Variants in MYRIP observed in about 807,000 individuals in gnomAD.
The protein encoded by MYRIP is myosin VIIA and Rab interacting protein, also known as rab effector MyRIP.
In MYRIP, 49 loss-of-function variants were observed where a neutral mutation model predicts 98.0. The observed-to-expected ratio is 0.50, with a 90% confidence interval of 0.40 to 0.63. The LOEUF is 0.63. Among genes scored for constraint, MYRIP ranks in the 30% least tolerant of loss-of-function variants. The pLI is 0.00. For synonymous variants in MYRIP, 404 were observed against 409.5 expected (o/e 0.99, Z 0.16); for missense variants, 1,004 against 1,058.2 (o/e 0.95, Z 0.71).
intron 3 of MYRIP, among the ~76,000 whole-genome samples, chr3:40,098,939 G>A (rs1334526323): frequency 6.6e-6 from 1 of 151,932 alleles, no homozygotes; most frequent in East Asian, 1.9e-4. Flanking sequence ...GTGTGTGTGT[G>A]TACATTTGAT....
At chr3:39,857,721 G>T (rs1407707948) in intron 1 of MYRIP, among the ~76,000 whole-genome samples, 2 of 152,078 alleles carry the variant, frequency 1.3e-5, no homozygotes, top group African/African-American at 4.8e-5. Context: ...ATGACAAAAG[G>T]TATAAATTGT....
At chr3:40,064,842 G>A (rs891797476) in intron 3 of MYRIP, among the ~76,000 whole-genome samples, 2 of 152,198 alleles carry the variant, frequency 1.3e-5, no homozygotes, top group Non-Finnish European at 2.9e-5. Flanking sequence ...TGTTAAAAGC[G>A]ATGGGAAACC....
At chr3:39,981,823 G>A (rs1376780082) in intron 2 of MYRIP, among the ~76,000 whole-genome samples, 1 of 152,168 alleles carries the variant, frequency 6.6e-6, no homozygotes, top group East Asian at 1.9e-4. Flanking sequence ...GCAGATGTTT[G>A]TGGAGGGCCC....
In MYRIP at chr3:39,917,927, C is replaced by CTT. The variant is rs36057099; in HGVS notation, c.110+17013_110+17014dup. ...CCACTTTGGATTACTGACTTCCATT[C>CTT]TTTTTTTTTTTTTGGAGACGGAGTC... is the stretch of plus-strand genomic sequence containing the variant. On this transcript the variant is annotated intron_variant, in intron 2 of 16. Transcript: ENST00000302541. 2.3e-3 allele frequency among the ~76,000 whole-genome samples: 343 copies of CTT among 146,078 alleles called. 1 individual carries two copies. The highest frequency in any genetic ancestry group is 5.6e-3 in the African/African-American group (224 of 39,948).
chr3:40,086,225 A>G (rs1948623201), intron 3 of MYRIP, among the ~76,000 whole-genome samples: 1 of 152,246 alleles, frequency 6.6e-6, no homozygotes, highest in South Asian at 2.1e-4. Flanking sequence ...TCTTCCCAGC[A>G]GAGCCCCAGT....
At chr3:40,144,160 G>C (rs1949966015) in intron 3 of MYRIP, among the ~76,000 whole-genome samples, 1 of 152,210 alleles carries the variant, frequency 6.6e-6, no homozygotes, top group African/African-American at 2.4e-5. Flanking sequence ...TAATGGTAAA[G>C]TCCAGGGATT....
chr3:39,874,532 T>C (rs1002161218), intron 1 of MYRIP, among the ~76,000 whole-genome samples: 1 of 152,194 alleles, frequency 6.6e-6, no homozygotes, highest in Non-Finnish European at 1.5e-5. Context: ...CCTAATTTAT[T>C]GAGAGTTTTT....
At chr3:40,115,842 G>A (rs115628408) in intron 3 of MYRIP, among the ~76,000 whole-genome samples, 2,380 of 150,328 alleles carry the variant, frequency 0.016, 66 homozygotes, top group African/African-American at 0.052. Context: ...TTTATGTCAC[G>A]ATTTTATTAT....
At chr3:40,139,978 G>GT (rs1318326324) in intron 3 of MYRIP, among the ~76,000 whole-genome samples, 1 of 152,152 alleles carries the variant, frequency 6.6e-6, no homozygotes, top group Non-Finnish European at 1.5e-5. Context: ...AGTTTCCAGT[G>GT]TTTTGGCTGT....
chr3:40,009,524 G>A (rs937485799), intron 2 of MYRIP, among the ~76,000 whole-genome samples: 2 of 152,156 alleles, frequency 1.3e-5, no homozygotes, highest in African/African-American at 4.8e-5. Flanking sequence ...TTACAGGTAT[G>A]AGCCACCACG....
chr3:40,150,443 C>T (rs1296600878), intron 3 of MYRIP, among the ~76,000 whole-genome samples: 1 of 152,216 alleles, frequency 6.6e-6, no homozygotes, highest in Non-Finnish European at 1.5e-5. Flanking sequence ...CAGGAAACTA[C>T]TTTCCCAGAG....
At chr3:40,058,773 G>A (rs1025997972) in intron 3 of MYRIP, among the ~76,000 whole-genome samples, 3 of 151,860 alleles carry the variant, frequency 2.0e-5, no homozygotes, top group East Asian at 1.9e-4. Flanking sequence ...ATGTCTATAC[G>A]GATTCTTTTT....
chr3:40,073,602 T>G (rs1033835257), intron 3 of MYRIP, among the ~76,000 whole-genome samples: 1 of 152,254 alleles, frequency 6.6e-6, no homozygotes, highest in African/African-American at 2.4e-5. Context: ...TCTTTAGCAG[T>G]CAAATCTGTA....
At chr3:40,205,270 T>A (rs1332981021) in intron 10 of MYRIP, among the ~76,000 whole-genome samples, 1 of 152,196 alleles carries the variant, frequency 6.6e-6, no homozygotes, top group Non-Finnish European at 1.5e-5. Flanking sequence ...AGAAACCCTC[T>A]GTCCATGTTC....
chr3:40,069,365 A>G (rs771367825), intron 3 of MYRIP, among the ~76,000 whole-genome samples: 1 of 150,576 alleles, frequency 6.6e-6, no homozygotes, highest in East Asian at 2.0e-4. Context: ...TTCTAATCCA[A>G]CCTACCTCAA....
At chr3:40,245,490 T>C (rs2125714752) in intron 13 of MYRIP, among the ~76,000 whole-genome samples, 1 of 151,336 alleles carries the variant, frequency 6.6e-6, no homozygotes, top group South Asian at 2.1e-4. Flanking sequence ...CTACTAAAAA[T>C]ACAAAAAAAT....
intron 11 of MYRIP, among the ~76,000 whole-genome samples, chr3:40,223,798 C>T (rs147810938): frequency 1.4e-3 from 219 of 152,230 alleles, no homozygotes; most frequent in African/African-American, 5.1e-3. Context: ...TCCCTGAGCT[C>T]GTGGAACTTA....
intron 11 of MYRIP, among the ~76,000 whole-genome samples, chr3:40,220,426 ATGGTAT>A (rs1020827828): frequency 2.6e-5 from 4 of 152,168 alleles, no homozygotes; most frequent in African/African-American, 9.7e-5. Context: ...TATGTCCTGA[ATGGTAT>A]TGCCTAGGTT....
At chr3:40,095,955 C>T (rs1948822458) in intron 3 of MYRIP, among the ~76,000 whole-genome samples, 1 of 151,688 alleles carries the variant, frequency 6.6e-6, no homozygotes, top group African/African-American at 2.4e-5. Context: ...ATTTCTCTCA[C>T]ATACACATAC....
Sources: gnomAD v4.1 joint callset for allele counts (sites outside exome capture counted in the v4.1 genomes callset) on GRCh38, gnomAD v4.1.1 for gene constraint, MANE v1.5 for transcripts, NCBI Gene and HGNC (gene_info 2026-07-23, HGNC 2026-07-21) for gene names.